The following CDH5 variants were observed in gnomAD, a reference collection of about 807,000 sequenced individuals.
The protein encoded by CDH5 is cadherin-5.
CDH5 carries 28 observed loss-of-function variants against 62.0 expected under a neutral mutation model. That is an observed-to-expected ratio of 0.45 (90% CI 0.33 to 0.62). CDH5 has a LOEUF of 0.62. CDH5 is among the 20% of genes least tolerant of loss of function. The pLI is 0.02. For missense variants in CDH5, 940 were observed against 1,065.1 expected, an observed-to-expected ratio of 0.88 and a Z score of 1.63; for synonymous variants, 464 against 445.8, an observed-to-expected ratio of 1.04 and a Z score of -0.52.
chr16:66,383,862 A>C (rs1030581046), intron 2 of CDH5, among the ~76,000 whole-genome samples: 1 of 151,682 alleles, frequency 6.6e-6, no homozygotes, highest in African/African-American at 2.4e-5. Context: ...CCCTGTCTCC[A>C]CTTCCTCCCC....
chr16:66,372,519 G>T (rs541457292), intron 1 of CDH5, among the ~76,000 whole-genome samples: 2 of 152,192 alleles, frequency 1.3e-5, no homozygotes, highest in South Asian at 2.1e-4. Context: ...AGGCTCACCA[G>T]GCACCTGCAG....
intron 1 of CDH5, among the ~76,000 whole-genome samples, chr16:66,374,801 A>T (rs972279038): frequency 1.2e-4 from 16 of 134,460 alleles, no homozygotes; most frequent in African/African-American, 4.5e-4. Context: ...TTATTTATTT[A>T]TTTTTTATTA....
At chr16:66,384,277 A>G (rs1344428068) in intron 2 of CDH5, among the ~76,000 whole-genome samples, 1 of 149,778 alleles carries the variant, frequency 6.7e-6, no homozygotes, top group Non-Finnish European at 1.5e-5. Context: ...TATTTTTAAT[A>G]GAGATGGGGT....
intron 7 of CDH5, chr16:66,393,019 A>G (rs1271663715): frequency 3.3e-5 from 5 of 152,358 alleles, no homozygotes; most frequent in African/African-American, 1.2e-4. Flanking sequence ...TTGCTCTTCT[A>G]TCTTAACTAA....
chr16:66,374,187 C>T (rs551366096), intron 1 of CDH5, among the ~76,000 whole-genome samples: 3 of 152,252 alleles, frequency 2.0e-5, no homozygotes, highest in Admixed American at 2.0e-4. Flanking sequence ...ACGTGTGCCT[C>T]GGGGGAGTGC....
chr16:66,371,544 T>C (rs2142304205), intron 1 of CDH5, among the ~76,000 whole-genome samples: 1 of 152,230 alleles, frequency 6.6e-6, no homozygotes, highest in African/African-American at 2.4e-5. Context: ...GGCAGGTGCC[T>C]GTGGTCAGGG....
chr16:66,392,531 A>C, intron 7 of CDH5, 148 bp downstream of exon 7: 2 of 1,130,870 alleles, frequency 1.8e-6, no homozygotes, highest in South Asian at 3.1e-5. Flanking sequence ...CAGAAGCCCA[A>C]GCTCTTGCAC....
At chr16:66,398,145 C>G (rs377056247) in intron 9 of CDH5, 39 bp downstream of exon 9, 13 of 1,613,438 alleles carry the variant, frequency 8.1e-6, no homozygotes, top group Admixed American at 1.7e-5. Flanking sequence ...GCAGCACCAC[C>G]CTGGGGCAGG....
intron 1 of CDH5, chr16:66,376,690 C>T (rs569081282): frequency 1.3e-5 from 2 of 152,240 alleles, no homozygotes; most frequent in Non-Finnish European, 2.9e-5. Context: ...TGGGCTGAAA[C>T]GTCCGCTCTC....
In CDH5 at chr16:66,386,828, G is replaced by T; in HGVS notation, c.230G>T (p.Arg77Leu). The part of the protein sequence containing the change: ...HVGKIKSSVS[R>L]KNAKYLLKGE... ...TTCTAGATCAAGTCAAGCGTGAGTCGCAAGAATGCCAAGTACCTGCTCAAA... is the reference window on the plus strand; with the variant it reads ...TTCTAGATCAAGTCAAGCGTGAGTCTCAAGAATGCCAAGTACCTGCTCAAA... The change falls in exon 3 of 12, where the codon CGC becomes CTC. Residue 77 changes from arginine (R) to leucine (L), a missense_variant. Arg to Leu is a moderately radical substitution (Grantham distance 102, BLOSUM62 -2). Transcript: ENST00000341529. 2 of 1,610,968 alleles carry T rather than the reference G, an allele frequency of 1.2e-6. No individual in the cohort carries two copies. Among genetic ancestry groups the T allele is most frequent in the Non-Finnish European group, 1.7e-6 (2 of 1,177,908 alleles).
At chr16:66,370,284 A>T (rs991501563) in intron 1 of CDH5, among the ~76,000 whole-genome samples, 10 of 152,038 alleles carry the variant, frequency 6.6e-5, no homozygotes, top group Non-Finnish European at 5.9e-5. Flanking sequence ...TACAGGTGTG[A>T]GCCACCACAC....
Position 66,400,845 on chromosome 16 carries a change from G to A in CDH5, c.1666G>A (p.Val556Ile), listed in dbSNP as rs752411805. ...TACCAAGGTCCACTTCCTACCCGTG[G>A]TCATCTCAGACAATGGGATGCCAAG... ...EHTKVHFLPV[V>I]ISDNGMPSRT... The change falls in exon 11 of 12, where the codon GTC becomes ATC. Residue 556 changes from valine (V) to isoleucine (I), a missense_variant. Physicochemically the swap from Val to Ile is conservative, Grantham distance 29. Transcript: ENST00000341529. 7.4e-5 allele frequency: 119 copies of A among 1,614,210 alleles called. 3 individuals are homozygous for A. The South Asian group carries it at 1.2e-3, about 17-fold the overall frequency.
intron 2 of CDH5, among the ~76,000 whole-genome samples, chr16:66,383,577 A>G (rs895438620): frequency 6.6e-6 from 1 of 151,224 alleles, no homozygotes; most frequent in African/African-American, 2.4e-5. Flanking sequence ...GCCCAGTTGG[A>G]AGGCCACCAT....
At chr16:66,390,341 G>A (rs1339844690) in intron 5 of CDH5, 62 bp from the exon 6 acceptor site, 2 of 1,265,178 alleles carry the variant, frequency 1.6e-6, no homozygotes, top group Non-Finnish European at 2.2e-6. Flanking sequence ...ATAGCTGAAA[G>A]AGGCAATCGC....
chr16:66,398,671 G>A, intron 10 of CDH5, 110 bp downstream of exon 10: 3 of 636,734 alleles, frequency 4.7e-6, no homozygotes, highest in Non-Finnish European at 8.7e-6. Context: ...GTTTGAGGCT[G>A]CAGTGAGCTA....
intron 7 of CDH5, chr16:66,392,713 A>C (rs1334436199): frequency 3.5e-6 from 1 of 283,254 alleles, no homozygotes; most frequent in Non-Finnish European, 6.7e-6. Context: ...CAGACGACAC[A>C]CCAGAGGCCC....
rs865991641 is a variant in CDH5 at position 66,372,868 on chromosome 16, A to C, written c.-20+6110A>C. Among the ~76,000 whole-genome samples the C allele has an allele frequency of 3.3e-5, 5 of 152,196 alleles. No individual in the cohort carries two copies. In the South Asian group the frequency reaches 8.3e-4, roughly 25 times the overall value. ...TTTTGGGTCCTCCAGACCTCCCCAG[A>C]CTGAGGGAGGGTACAGAGGGCCCAT... On this transcript the variant is annotated intron_variant, in intron 1 of 11. Coordinates refer to ENST00000341529, the MANE Select transcript of CDH5 (RefSeq NM_001795.5).
chr16:66,384,295 T>C (rs1403462389), intron 2 of CDH5, among the ~76,000 whole-genome samples: 2 of 151,020 alleles, frequency 1.3e-5, no homozygotes, highest in East Asian at 2.0e-4. Context: ...GGTTTCACCA[T>C]GTTGGCCAGG....
chr16:66,387,152 A>G (rs1596937663), intron 3 of CDH5, 55 bp downstream of exon 3: 1 of 1,518,216 alleles, frequency 6.6e-7, no homozygotes. Flanking sequence ...GCCTGGGGGC[A>G]CCTCTCACAT....
Sources: allele counts gnomAD v4.1 joint callset (sites outside exome capture counted in the v4.1 genomes callset), GRCh38; gene constraint gnomAD v4.1.1; transcripts MANE v1.5; gene names NCBI Gene and HGNC (gene_info 2026-07-23, HGNC 2026-07-21).